The following GRIP2 variants were observed in gnomAD, a reference collection of about 807,000 sequenced individuals.
GRIP2 encodes the protein glutamate receptor interacting protein 2, also known as glutamate receptor-interacting protein 2.
GRIP2 carries 58 observed loss-of-function variants against 108.3 expected under a neutral mutation model. The ratio of observed to expected loss-of-function variants is 0.54; its 90% CI spans 0.43 to 0.67. The LOEUF (loss-of-function observed/expected upper bound fraction) is 0.67, where lower values mean the gene tolerates loss of function less well. GRIP2 is among the 30% of genes least tolerant of loss of function. The pLI is 0.00. For synonymous variants in GRIP2, 586 were observed against 598.2 expected (o/e 0.98, Z 0.30); for missense variants, 1,278 against 1,430.6 (o/e 0.89, Z 1.72).
Position 14,523,021 on chromosome 3 carries a change from C to G in GRIP2, c.545G>C (p.Arg182Pro). 4 of 1,613,690 alleles carry G rather than the reference C, an allele frequency of 2.5e-6. No homozygotes were observed. Among genetic ancestry groups the G allele is most frequent in the Non-Finnish European group, 3.4e-6 (4 of 1,179,784 alleles). ...KSRPLVLTYV[R>P]PGGPADREGS... ...TCACCTGTCGGCAGGGCCACCGGGC[C>G]GCACGTAGGTCAGGACAAGCGGGCG... The change falls in exon 6 of 24, where the codon CGG (arginine) becomes CCG (proline). Residue 182 changes from arginine to proline, a missense_variant. By Grantham distance (103) the Arg-to-Pro change is moderately radical. Coordinates refer to ENST00000621039, the MANE Select transcript of GRIP2 (RefSeq NM_001080423.4).
At chr3:14,555,100 G>A (rs1322019333) in intron 1 of GRIP2, among the ~76,000 whole-genome samples, 1 of 151,666 alleles carries the variant, frequency 6.6e-6, no homozygotes, top group Admixed American at 6.6e-5. Flanking sequence ...CTCCAATCTT[G>A]GTCCCACCCT....
the GRIP2 span, among the ~76,000 whole-genome samples, chr3:14,581,728 T>G: frequency 6.6e-6 from 1 of 152,232 alleles, no homozygotes; most frequent in Non-Finnish European, 1.5e-5. Flanking sequence ...CTTGAGCCCC[T>G]GGATGTAGCC....
chr3:14,542,069 A>G (rs1215873726), upstream of GRIP2: 1 of 1,349,648 alleles, frequency 7.4e-7, no homozygotes, highest in Non-Finnish European at 9.9e-7. Flanking sequence ...TCAGTCAGGG[A>G]GGACAGGCGC....
At chr3:14,565,162 T>C in the GRIP2 span, among the ~76,000 whole-genome samples, 1 of 152,080 alleles carries the variant, frequency 6.6e-6, no homozygotes, top group African/African-American at 2.4e-5. Context: ...CACCAGCCAG[T>C]GAGACCCTCA....
At chr3:14,554,081 G>C (rs1695195999) in intron 1 of GRIP2, among the ~76,000 whole-genome samples, 1 of 152,246 alleles carries the variant, frequency 6.6e-6, no homozygotes, top group African/African-American at 2.4e-5. Context: ...GGGGAAGATG[G>C]AATTAAAAAT....
chr3:14,549,383 A>G (rs552385035), intron 1 of GRIP2, among the ~76,000 whole-genome samples: 169 of 152,196 alleles, frequency 1.1e-3, no homozygotes, highest in African/African-American at 3.9e-3. Flanking sequence ...CTGCCTCCCT[A>G]TGGCTCCCCC....
rs76139594 is a variant in GRIP2 at position 14,511,996 on chromosome 3, G to A, written c.1721-517C>T. ...TCAACAACATTTAAACACCGATGAA[G>A]TGAGCTGTGGAGAAACCTGAGAAAC... On this transcript the variant is annotated intron_variant, in intron 14 of 23. Transcript: ENST00000621039. This position sits in a 1 kb window ranked among gnomAD's most constrained non-coding sequence, Gnocchi z 4.1. Among the ~76,000 whole-genome samples, 1 of 152,230 alleles carries A rather than the reference G, an allele frequency of 6.6e-6. No homozygotes were observed. Among genetic ancestry groups the A allele is most frequent in the Non-Finnish European group, 1.5e-5 (1 of 68,038 alleles).
the GRIP2 span, among the ~76,000 whole-genome samples, chr3:14,584,069 A>G: frequency 1.3e-5 from 2 of 152,244 alleles, no homozygotes; most frequent in Non-Finnish European, 2.9e-5. Context: ...TCTGCATTTT[A>G]TAGACAAAGA....
chr3:14,601,108 C>A, the GRIP2 span, among the ~76,000 whole-genome samples: 1 of 151,898 alleles, frequency 6.6e-6, no homozygotes, highest in Non-Finnish European at 1.5e-5. Context: ...ACACACGAGG[C>A]AGGGGGTGTC....
intron 22 of GRIP2, 124 bp downstream of exon 22, chr3:14,496,293 A>G: frequency 1.3e-6 from 1 of 762,954 alleles, no homozygotes; most frequent in East Asian, 2.8e-5. Flanking sequence ...GGAAAACTCA[A>G]CCCAGTTTTG....
At chr3:14,532,777 T>G (rs1239786347) in intron 1 of GRIP2, among the ~76,000 whole-genome samples, 1 of 151,122 alleles carries the variant, frequency 6.6e-6, no homozygotes, top group Non-Finnish European at 1.5e-5. Context: ...TCAACCTGGT[T>G]CCGGGCCGGA....
intron 2 of GRIP2, 103 bp from the exon 3 acceptor site, chr3:14,525,675 G>T: frequency 7.1e-7 from 1 of 1,415,594 alleles, no homozygotes; most frequent in Non-Finnish European, 9.9e-7. Context: ...AGGGCACTCT[G>T]CTGCATTGCC....
chr3:14,560,252 T>TA (rs1381947429), upstream of GRIP2, among the ~76,000 whole-genome samples: 1 of 152,054 alleles, frequency 6.6e-6, no homozygotes, highest in African/African-American at 2.4e-5. Flanking sequence ...AGATCCTGTC[T>TA]AAAAAAACCC....
chr3:14,531,241 T>C (rs1393566143), intron 1 of GRIP2, among the ~76,000 whole-genome samples: 1 of 152,236 alleles, frequency 6.6e-6, no homozygotes, highest in African/African-American at 2.4e-5. Flanking sequence ...ATTTGCCTTA[T>C]TGGACTGGCC....
In GRIP2 at chr3:14,505,906, C is replaced by A; in HGVS notation, c.2399-117G>T. Reference sequence around the variant, plus strand: ...AGGTCGTTGCTCCTCTCTGGGCCTGCATCTACACAGCCCTCTGAGGGCCTC... The same window carrying A: ...AGGTCGTTGCTCCTCTCTGGGCCTGAATCTACACAGCCCTCTGAGGGCCTC... On this transcript the variant is annotated intron_variant, in intron 19 of 23. Transcript: ENST00000621039. The surrounding 1 kb of genome is among the most constrained non-coding windows in gnomAD (Gnocchi z 4.2). 4 of 880,954 alleles carry A rather than the reference C, an allele frequency of 4.5e-6. No homozygotes were observed. Among genetic ancestry groups the A allele is most frequent in the Non-Finnish European group, 6.5e-6 (4 of 614,578 alleles). The allele number at this position is 880,954 out of a possible 1,614,324, so 54.6% of individuals were successfully genotyped here.
chr3:14,572,969 A>T, the GRIP2 span: 1 of 1,478,254 alleles, frequency 6.8e-7, no homozygotes, highest in South Asian at 1.1e-5. Flanking sequence ...CCACCAGGCC[A>T]GCCAGGAGGC....
chr3:14,560,847 G>A (rs985218832), upstream of GRIP2, among the ~76,000 whole-genome samples: 1 of 152,220 alleles, frequency 6.6e-6, no homozygotes, highest in African/African-American at 2.4e-5. Flanking sequence ...CCTCATCTCA[G>A]AGTTCCAGAT....
At chr3:14,553,935 G>A (rs1695193350) in intron 1 of GRIP2, among the ~76,000 whole-genome samples, 1 of 152,176 alleles carries the variant, frequency 6.6e-6, no homozygotes, top group Admixed American at 6.5e-5. Flanking sequence ...TCCGCAGTGT[G>A]TCCTCAATCA....
intron 1 of GRIP2, among the ~76,000 whole-genome samples, chr3:14,552,970 C>T (rs1695175942): frequency 6.6e-6 from 1 of 152,174 alleles, no homozygotes; most frequent in African/African-American, 2.4e-5. Flanking sequence ...TCCCACTGCC[C>T]CCAAGACAGG....
Sources: gnomAD v4.1 joint callset for allele counts (sites outside exome capture counted in the v4.1 genomes callset) on GRCh38, gnomAD v4.1.1 for gene constraint, Gnocchi (gnomAD v3.1) non-coding constraint, MANE v1.5 for transcripts, NCBI Gene and HGNC (gene_info 2026-07-23, HGNC 2026-07-21) for gene names.